Variants in SPTLC3 observed in about 807,000 individuals in gnomAD.
SPTLC3 encodes the protein serine palmitoyltransferase 3.
In SPTLC3, 36 loss-of-function variants were observed where a neutral mutation model predicts 59.3. That is an observed-to-expected ratio of 0.61 (90% CI 0.47 to 0.80). The LOEUF is 0.80. SPTLC3 is among the 30% of genes least tolerant of loss of function. SPTLC3 has a pLI of 0.00. For missense variants in SPTLC3, 625 were observed against 685.1 expected (o/e 0.91, Z 0.98); for synonymous variants, 257 against 240.8 (o/e 1.07, Z -0.62).
chr20:13,113,871 T>C (rs1189725258), intron 7 of SPTLC3, among the ~76,000 whole-genome samples: 1 of 152,202 alleles, frequency 6.6e-6, no homozygotes, highest in Non-Finnish European at 1.5e-5. Flanking sequence ...AAGTGGCTGT[T>C]AGAGAAAGAA....
chr20:13,131,064 C>T lies in SPTLC3; in HGVS notation c.1279+4347C>T, dbSNP rs553196750. ...AGGTCTAGAAAGATCGCAGCTCAGT[C>T]GTTTTCTTATCTAGACATAGCACAC... is the stretch of plus-strand genomic sequence containing the variant. On this transcript the variant is annotated intron_variant, in intron 9 of 11. Transcript: ENST00000399002. 2.0e-3 allele frequency among the ~76,000 whole-genome samples: 303 copies of T among 152,278 alleles called. 3 individuals are homozygous for T. Among genetic ancestry groups the T allele is most frequent in the Non-Finnish European group, 1.4e-3 (98 of 68,030 alleles).
At chr20:13,080,776 A>C (rs1988816167) in intron 4 of SPTLC3, among the ~76,000 whole-genome samples, 1 of 152,172 alleles carries the variant, frequency 6.6e-6, no homozygotes, top group Non-Finnish European at 1.5e-5. Context: ...ATTTTGAGCA[A>C]TTTTGTCTTT....
rs116746681 is a variant in SPTLC3, at chr20:13,082,463, A to G, written c.607+7966A>G. Among the ~76,000 whole-genome samples, 1,279 of 140,314 alleles carry G rather than the reference A, an allele frequency of 9.1e-3. 12 individuals carry two copies. Among genetic ancestry groups the G allele is most frequent in the African/African-American group, 0.03 (1,192 of 39,400 alleles). The allele number at this position is 140,314 out of a possible 152,430, so 92.1% of individuals were successfully genotyped here. A position where few individuals can be genotyped will look rare whatever the true frequency, so the allele number is the denominator to read the frequency against. On this transcript the variant is annotated intron_variant, in intron 4 of 11. Coordinates refer to ENST00000399002, the MANE Select transcript of SPTLC3 (RefSeq NM_018327.4). ...GTTTTAAATAATTGGAATAATAAAA[A>G]TAAGAATAAGACTTGTGACACATGA...
chr20:13,113,119 G>A, intron 7 of SPTLC3, among the ~76,000 whole-genome samples: 1 of 152,116 alleles, frequency 6.6e-6, no homozygotes, highest in Non-Finnish European at 1.5e-5. Context: ...GGAGGCAGAG[G>A]TTGCAGTGAG....
intron 4 of SPTLC3, among the ~76,000 whole-genome samples, chr20:13,084,157 G>A (rs897470510): frequency 1.3e-5 from 2 of 152,112 alleles, no homozygotes; most frequent in Non-Finnish European, 2.9e-5. Flanking sequence ...AGACTGGCAG[G>A]AAATAATTCC....
chr20:13,143,162 G>T (rs569099166), intron 9 of SPTLC3, among the ~76,000 whole-genome samples: 2 of 152,114 alleles, frequency 1.3e-5, no homozygotes, highest in Non-Finnish European at 2.9e-5. Flanking sequence ...CATGTCTTGG[G>T]CACCAAAAAG....
At chr20:13,143,602 G>A (rs2038436492) in intron 9 of SPTLC3, among the ~76,000 whole-genome samples, 1 of 152,130 alleles carries the variant, frequency 6.6e-6, no homozygotes, top group Non-Finnish European at 1.5e-5. Context: ...TGGGCACAAG[G>A]CAAAAGTCTG....
At chr20:13,066,231 C>T (rs988884346) in intron 2 of SPTLC3, among the ~76,000 whole-genome samples, 15 of 78,134 alleles carry the variant, frequency 1.9e-4, no homozygotes, top group African/African-American at 6.5e-4. Flanking sequence ...ATTTTGACTG[C>T]ATTTTTATAT....
rs202196495 is a variant in SPTLC3 at position 13,126,669 on chromosome 20, A to G, written c.1231A>G (p.Ile411Val). 6 of 1,614,088 alleles carry G rather than the reference A, an allele frequency of 3.7e-6. No homozygotes were observed. The East Asian group carries it at 1.3e-4, about 36-fold the overall frequency. Residue 411 changes from isoleucine (I) to valine (V), a missense_variant, in exon 9 of 12, where the codon ATC becomes GTC. Transcript: ENST00000399002. ...CATGAGCCCACCGATAGCAGAGCAA[A>G]TCATCAGATCACTAAAACTTATCAT... ...SSMSPPIAEQ[I>V]IRSLKLIMGL...
At chr20:13,033,605 A>G (rs1044739500) in intron 1 of SPTLC3, among the ~76,000 whole-genome samples, 2 of 152,122 alleles carry the variant, frequency 1.3e-5, no homozygotes, top group Non-Finnish European at 2.9e-5. Context: ...TGTGAGGAGG[A>G]GAGGTAAATG....
intron 9 of SPTLC3, among the ~76,000 whole-genome samples, chr20:13,140,882 C>A (rs2038365528): frequency 6.6e-6 from 1 of 152,164 alleles, no homozygotes; most frequent in South Asian, 2.1e-4. Context: ...TTCATTTACT[C>A]TGATTATTTG....
Position 13,126,683 on chromosome 20 carries a change from A to G in SPTLC3, c.1245A>G (p.Leu415=). The G allele has an allele frequency of 6.2e-7, 1 of 1,614,052 alleles. No individual in the cohort carries two copies. Among genetic ancestry groups the G allele is most frequent in the South Asian group, 1.1e-5 (1 of 91,082 alleles). Residue 415 remains leucine, a synonymous_variant, in exon 9 of 12, where the codon CTA becomes CTG. Transcript: ENST00000399002. ...TAGCAGAGCAAATCATCAGATCACT[A>G]AAACTTATCATGGGACTGGATGGGA... is the stretch of plus-strand genomic sequence containing the variant. ...PPIAEQIIRS[L]KLIMGLDGTT... is the part of the protein sequence containing the mutation.
At chr20:13,038,062 T>TATATATATATATATATA (rs1986816887) in intron 1 of SPTLC3, among the ~76,000 whole-genome samples, 1 of 129,548 alleles carries the variant, frequency 7.7e-6, no homozygotes, top group African/African-American at 3.4e-5. Flanking sequence ...ATATATATAA[T>TATATATATATATATATA]ATATCTTCAT....
intron 1 of SPTLC3, among the ~76,000 whole-genome samples, chr20:13,043,685 T>G (rs942921944): frequency 6.6e-5 from 10 of 152,296 alleles, no homozygotes; most frequent in Admixed American, 1.3e-4. Context: ...CTTAATCTAT[T>G]AAATATTTTT....
intron 1 of SPTLC3, among the ~76,000 whole-genome samples, chr20:13,040,046 CGTGTGTGTGTGT>C (rs3038800): frequency 4.1e-5 from 6 of 147,910 alleles, no homozygotes; most frequent in Admixed American, 6.8e-5. Context: ...TATGCATGTA[CGTGTGTGTGTGT>C]GTGTGTGTGT....
At chr20:13,079,226 C>T (rs1045422345) in intron 4 of SPTLC3, among the ~76,000 whole-genome samples, 32 of 152,106 alleles carry the variant, frequency 2.1e-4, no homozygotes, top group Admixed American at 3.9e-4. Context: ...TGAACACAAG[C>T]TCAACAGGCA....
intron 1 of SPTLC3, among the ~76,000 whole-genome samples, chr20:13,029,747 T>A (rs1986337161): frequency 6.6e-6 from 1 of 152,200 alleles, no homozygotes; most frequent in South Asian, 2.1e-4. Flanking sequence ...ATATTTCAAC[T>A]AAGTGTAATC....
At chr20:13,087,887 C>T (rs539561778) in intron 4 of SPTLC3, among the ~76,000 whole-genome samples, 2 of 152,278 alleles carry the variant, frequency 1.3e-5, no homozygotes, top group African/African-American at 4.8e-5. Context: ...CCTGGGGAAG[C>T]TGAGAAAGGC....
chr20:13,124,121 C>G (rs2037931554), intron 8 of SPTLC3, among the ~76,000 whole-genome samples: 1 of 152,142 alleles, frequency 6.6e-6, no homozygotes, highest in African/African-American at 2.4e-5. Context: ...GAAAACCCAC[C>G]CAGCTTTTTT....
Sources: gnomAD v4.1 joint callset for allele counts (sites outside exome capture counted in the v4.1 genomes callset) on GRCh38, gnomAD v4.1.1 for gene constraint, MANE v1.5 for transcripts, NCBI Gene and HGNC (gene_info 2026-07-23, HGNC 2026-07-21) for gene names.